Variants in ZNF536 observed in about 807,000 individuals in gnomAD.
ZNF536 encodes zinc finger protein 536.
A neutral mutation model predicts 84.5 loss-of-function variants in ZNF536; 13 were observed. That is an observed-to-expected ratio of 0.15 (90% CI 0.10 to 0.24). ZNF536 has a LOEUF of 0.24. ZNF536 is among the 10% of genes least tolerant of loss of function. ZNF536 has a pLI of 1.00. For missense variants in ZNF536, 1,536 were observed against 1,747.5 expected (o/e 0.88, Z 2.16); for synonymous variants, 811 against 742.5 (o/e 1.09, Z -1.50).
chr19:30,493,976 A>C (rs2145162896), intron 2 of ZNF536, among the ~76,000 whole-genome samples: 1 of 152,282 alleles, frequency 6.6e-6, no homozygotes, highest in South Asian at 2.1e-4. Flanking sequence ...GTGGCTACTA[A>C]AATAACAACA....
intron 2 of ZNF536, among the ~76,000 whole-genome samples, chr19:30,326,488 G>A (rs980690153): frequency 6.6e-6 from 1 of 152,152 alleles, no homozygotes; most frequent in Admixed American, 6.5e-5. Flanking sequence ...CCAGGCAGCC[G>A]GACAAGTCAC....
At chr19:30,378,210 T>C (rs2048889775) in intron 1 of ZNF536, among the ~76,000 whole-genome samples, 1 of 152,218 alleles carries the variant, frequency 6.6e-6, no homozygotes, top group South Asian at 2.1e-4. Flanking sequence ...TCACCCAGGC[T>C]GGAGTGAAGT....
intron 2 of ZNF536, among the ~76,000 whole-genome samples, chr19:30,486,596 T>C (rs60804128): frequency 0.015 from 2,277 of 152,374 alleles, 49 homozygotes; most frequent in African/African-American, 0.052. Flanking sequence ...GAATGATTTA[T>C]ATTCCTTTGG....
intron 1 of ZNF536, among the ~76,000 whole-genome samples, chr19:30,569,060 A>G (rs1432710686): frequency 6.6e-6 from 1 of 152,220 alleles, no homozygotes; most frequent in Non-Finnish European, 1.5e-5. Flanking sequence ...TGATGAATCC[A>G]TAGGAATCAA....
chr19:30,317,069 G>T (rs2046702910), intron 2 of ZNF536, among the ~76,000 whole-genome samples: 1 of 152,146 alleles, frequency 6.6e-6, no homozygotes, highest in Non-Finnish European at 1.5e-5. Context: ...TTCTTAAGGT[G>T]CCCAAAGCTC....
intron 3 of ZNF536, among the ~76,000 whole-genome samples, chr19:30,539,281 A>T (rs2045227523): frequency 6.6e-6 from 1 of 152,084 alleles, no homozygotes; most frequent in South Asian, 2.1e-4. Context: ...CAGAATGCAG[A>T]TCAATGTCCC....
At chr19:30,695,082 A>G (rs1464902794) in intron 1 of ZNF536, among the ~76,000 whole-genome samples, 1 of 151,866 alleles carries the variant, frequency 6.6e-6, no homozygotes, top group Non-Finnish European at 1.5e-5. Context: ...TACTAAAGGG[A>G]CCCCCTGGAA....
chr19:30,668,925 C>T (rs185094487), intron 1 of ZNF536, among the ~76,000 whole-genome samples: 29 of 152,268 alleles, frequency 1.9e-4, no homozygotes, highest in African/African-American at 6.0e-4. Context: ...GAAGAAGGAG[C>T]CAGAGGTTTA....
intron 2 of ZNF536, among the ~76,000 whole-genome samples, chr19:30,504,666 C>G (rs2055093627): frequency 6.8e-6 from 1 of 146,162 alleles, no homozygotes. Context: ...CCTGCCCTGT[C>G]TCCCTTCTTT....
intron 2 of ZNF536, among the ~76,000 whole-genome samples, chr19:30,474,028 T>A (rs572181466): frequency 8.5e-5 from 13 of 152,356 alleles, no homozygotes; most frequent in African/African-American, 3.1e-4. Flanking sequence ...AGCTGCTCAG[T>A]GAATATTTGT....
At chr19:30,341,644 A>G (rs2146553317) in intron 2 of ZNF536, among the ~76,000 whole-genome samples, 1 of 152,316 alleles carries the variant, frequency 6.6e-6, no homozygotes, top group Non-Finnish European at 1.5e-5. Context: ...TTTGTGCAGT[A>G]GAACTTGCAG....
At chr19:30,708,008 C>CAA (rs60270540) in intron 1 of ZNF536, among the ~76,000 whole-genome samples, 5,224 of 102,846 alleles carry the variant, frequency 0.051, 362 homozygotes, top group African/African-American at 0.18. Context: ...GAGACTCCAT[C>CAA]AAAAAAAAAA....
At chr19:30,365,281 C>T (rs1040595831) in intron 3 of ZNF536, among the ~76,000 whole-genome samples, 7 of 152,114 alleles carry the variant, frequency 4.6e-5, no homozygotes, top group Admixed American at 1.3e-4. Flanking sequence ...TTCTCTTCTT[C>T]ATCTTTTTCC....
intron 3 of ZNF536, among the ~76,000 whole-genome samples, chr19:30,535,913 G>A (rs375513570): frequency 7.9e-5 from 12 of 152,164 alleles, no homozygotes; most frequent in Non-Finnish European, 1.6e-4. Context: ...GAGTGCACGC[G>A]GGCTGCATGG....
At chr19:30,227,762 C>T (rs1055359388), upstream of ZNF536, among the ~76,000 whole-genome samples, 2 of 151,024 alleles carry the variant, frequency 1.3e-5, no homozygotes, top group Non-Finnish European at 3.0e-5. Flanking sequence ...GCCGCCGCCG[C>T]TGTGCAATTT....
intron 2 of ZNF536, among the ~76,000 whole-genome samples, chr19:30,302,337 C>T (rs2046213040): frequency 6.6e-6 from 1 of 152,188 alleles, no homozygotes; most frequent in Admixed American, 6.5e-5. Context: ...CCTGGGCATC[C>T]TGGGCCTGCT....
At chr19:30,298,061 G>A (rs2046065912) in intron 2 of ZNF536, among the ~76,000 whole-genome samples, 1 of 152,002 alleles carries the variant, frequency 6.6e-6, no homozygotes, top group Admixed American at 6.6e-5. Context: ...TGCATTTTTG[G>A]TAGAGATGGG....
intron 4 of ZNF536, among the ~76,000 whole-genome samples, chr19:30,551,207 A>C (rs2045769390): frequency 6.6e-6 from 1 of 151,814 alleles, no homozygotes; most frequent in Admixed American, 6.6e-5. Context: ...GAATCCATGC[A>C]TCAGAAAAGA....
chr19:30,418,366 TG>T (rs1163667013), intron 1 of ZNF536, among the ~76,000 whole-genome samples: 75 of 152,296 alleles, frequency 4.9e-4, no homozygotes, highest in African/African-American at 1.7e-3. Flanking sequence ...ATTCCCACCG[TG>T]GGTGCAGCAT....
Sources: allele counts gnomAD v4.1 joint callset (sites outside exome capture counted in the v4.1 genomes callset), GRCh38; gene constraint gnomAD v4.1.1; transcripts MANE v1.5; gene names NCBI Gene and HGNC (gene_info 2026-07-23, HGNC 2026-07-21).